MARCO: variants seen among roughly 807,000 people sequenced by gnomAD.
The protein encoded by MARCO is macrophage receptor with collagenous structure, also known as macrophage receptor MARCO.
In MARCO, 72 loss-of-function variants were observed where a neutral mutation model predicts 70.0. The ratio of observed to expected loss-of-function variants is 1.03; its 90% confidence interval spans 0.85 to 1.25. MARCO has a LOEUF of 1.25. Ranked by LOEUF, MARCO falls within the 50% of genes most tolerant of loss-of-function variation. The pLI is 0.00. For synonymous variants in MARCO, 273 were observed against 243.1 expected (o/e 1.12, Z -1.14); for missense variants, 696 against 659.3 (o/e 1.06, Z -0.61).
At chr2:118,945,393 A>G (rs1249850265) in intron 1 of MARCO, among the ~76,000 whole-genome samples, 2 of 144,560 alleles carry the variant, frequency 1.4e-5, no homozygotes, top group Non-Finnish European at 3.0e-5. Context: ...ATCTGTCGGA[A>G]CCTCTTGTTT....
At chr2:118,969,991 A>G in intron 2 of MARCO, 123 bp from the exon 3 acceptor site, 2 of 831,624 alleles carry the variant, frequency 2.4e-6, no homozygotes, top group Non-Finnish European at 4.0e-6. Context: ...AGGTCCTGAC[A>G]GCACATGGAA....
At chr2:118,986,644 A>AAG (rs1680498351) in intron 12 of MARCO, among the ~76,000 whole-genome samples, 2 of 43,124 alleles carry the variant, frequency 4.6e-5, no homozygotes, top group African/African-American at 3.3e-4. Context: ...AAAGAAAGAA[A>AAG]GAAAGAAAGA....
intron 12 of MARCO, among the ~76,000 whole-genome samples, chr2:118,986,668 G>GAAAGAAAGAAAGAAAGAAA (rs1680505013): frequency 2.1e-5 from 1 of 48,502 alleles, no homozygotes; most frequent in Non-Finnish European, 3.2e-5. Flanking sequence ...AAGGAAGGAA[G>GAAAGAAAGAAAGAAAGAAA]GAAGGAAAGA....
Position 118,994,560 on chromosome 2 carries a change from C to G in MARCO, c.*40C>G. On this transcript the variant is annotated 3_prime_UTR_variant, in exon 17 of 17. Coordinates refer to ENST00000327097, the MANE Select transcript of MARCO (RefSeq NM_006770.4). ...CACTTCTCTGCTCCCGAGGTGTCCT[C>G]GGGCTCATATGTGGGAAGGCAGAGG... The G allele has an allele frequency of 6.5e-7, 1 of 1,530,056 alleles. No individual in the cohort carries two copies. The highest frequency in any genetic ancestry group is 8.8e-7 in the Non-Finnish European group (1 of 1,141,004). 94.8% of individuals were successfully genotyped at this position (1,530,056 alleles called of 1,614,324 possible).
At chr2:118,978,414 C>A (rs376151894) in intron 8 of MARCO, among the ~76,000 whole-genome samples, 1 of 152,200 alleles carries the variant, frequency 6.6e-6, no homozygotes, top group Admixed American at 6.5e-5. Flanking sequence ...GCTCGAGGGT[C>A]TGTTTCAAAT....
At chr2:118,993,483 G>A (rs1558675384) in intron 16 of MARCO, among the ~76,000 whole-genome samples, 183 bp downstream of exon 16, 1 of 152,214 alleles carries the variant, frequency 6.6e-6, no homozygotes, top group Non-Finnish European at 1.5e-5. Flanking sequence ...GGCAACCCCA[G>A]CAGAAAGATG....
chr2:118,951,423 T>G (rs1230876303), intron 1 of MARCO, among the ~76,000 whole-genome samples: 3 of 152,200 alleles, frequency 2.0e-5, no homozygotes, highest in Non-Finnish European at 4.4e-5. Flanking sequence ...CCTTTTAGCT[T>G]TTGGGTTTTG....
rs1014629208 is a variant in MARCO at position 118,942,461 on chromosome 2, G to A, written c.97+64G>A. 22 of 1,280,776 alleles carry A rather than the reference G, an allele frequency of 1.7e-5. No individual in the cohort carries two copies. The East Asian group carries it at 1.9e-4, about 11-fold the overall frequency. The allele number at this position is 1,280,776 out of a possible 1,614,324, so 79.3% of individuals were successfully genotyped here. On this transcript the variant is annotated intron_variant, in intron 1 of 16. Coordinates refer to ENST00000327097, the MANE Select transcript of MARCO (RefSeq NM_006770.4). ...TGTAGTCTTTCTGCTAGCGAGATAC[G>A]AAAATAGACAAGTCAATAGAAAGTC...
intron 1 of MARCO, among the ~76,000 whole-genome samples, chr2:118,944,455 T>G (rs1190412490): frequency 6.6e-6 from 1 of 152,178 alleles, no homozygotes; most frequent in Non-Finnish European, 1.5e-5. Flanking sequence ...ACTTATTTTT[T>G]GTCTGCTGAA....
At chr2:118,951,012 T>C (rs6761144) in intron 1 of MARCO, among the ~76,000 whole-genome samples, 5,978 of 152,296 alleles carry the variant, frequency 0.039, 405 homozygotes, top group African/African-American at 0.14. Context: ...AGTCCAAATT[T>C]AACTTAGAAT....
chr2:118,957,182 A>G (rs1284205792), intron 1 of MARCO, among the ~76,000 whole-genome samples: 1 of 152,154 alleles, frequency 6.6e-6, no homozygotes. Context: ...AATACAAAAG[A>G]TAAATGAAAC....
At chr2:118,963,319 A>T (rs1221712906) in intron 1 of MARCO, among the ~76,000 whole-genome samples, 6 of 151,680 alleles carry the variant, frequency 4.0e-5, no homozygotes, top group South Asian at 2.1e-4. Flanking sequence ...TATTTTTAAA[A>T]TTTTTTTGAT....
intron 1 of MARCO, among the ~76,000 whole-genome samples, chr2:118,964,887 C>CAAAA (rs35141497): frequency 7.5e-6 from 1 of 133,300 alleles, no homozygotes; most frequent in Non-Finnish European, 1.6e-5. Flanking sequence ...GATACCATCT[C>CAAAA]AAAAAAAAAA....
In MARCO at chr2:118,969,262, G is replaced by A. The variant is rs763166374; in HGVS notation, c.199+1G>A. ...GGCGCTGGGCTGCTGGTGGTCCAAG[G>A]TAAAGCAGGCTTGGTCCTGTGTAGT... On this transcript the variant is annotated splice_donor_variant, in intron 2 of 16. Coordinates refer to ENST00000327097, the MANE Select transcript of MARCO (RefSeq NM_006770.4). LOFTEE classifies it high-confidence loss of function. The A allele has an allele frequency of 6.2e-7, 1 of 1,613,434 alleles. No individual in the cohort carries two copies. The highest frequency in any genetic ancestry group is 8.5e-7 in the Non-Finnish European group (1 of 1,179,394).
intron 1 of MARCO, among the ~76,000 whole-genome samples, chr2:118,961,669 G>A (rs1389904494): frequency 6.6e-6 from 1 of 152,120 alleles, no homozygotes; most frequent in South Asian, 2.1e-4. Flanking sequence ...TCTGTAGGTT[G>A]CCTGTTCACT....
intron 6 of MARCO, among the ~76,000 whole-genome samples, chr2:118,976,906 A>T (rs1268845200): frequency 6.6e-6 from 1 of 152,158 alleles, no homozygotes; most frequent in African/African-American, 2.4e-5. Context: ...AATACCTGAG[A>T]CTGGGTAATT....
chr2:118,973,132 C>A (rs534535023), intron 4 of MARCO, among the ~76,000 whole-genome samples: 1 of 148,114 alleles, frequency 6.8e-6, no homozygotes, highest in Non-Finnish European at 1.5e-5. Context: ...AGAAAAACTC[C>A]GACTCTCTCC....
chr2:118,985,081 G>A (rs1189625408), intron 12 of MARCO, among the ~76,000 whole-genome samples: 1 of 151,956 alleles, frequency 6.6e-6, no homozygotes, highest in African/African-American at 2.4e-5. Context: ...ACTGTGCCTG[G>A]GTCTTGACTC....
At chr2:118,952,537 A>C (rs1442104916) in intron 1 of MARCO, 1 of 152,208 alleles carries the variant, frequency 6.6e-6, no homozygotes, top group African/African-American at 2.4e-5. Context: ...GTGATCATTC[A>C]CGCACATGTA....
Sources: allele counts gnomAD v4.1 joint callset (sites outside exome capture counted in the v4.1 genomes callset), GRCh38; gene constraint gnomAD v4.1.1; transcripts MANE v1.5; gene names NCBI Gene and HGNC (gene_info 2026-07-23, HGNC 2026-07-21).